The following GLRA2 variants were observed in gnomAD, a reference collection of about 807,000 sequenced individuals.
GLRA2 encodes glycine receptor alpha 2.
In GLRA2, 11 loss-of-function variants were observed where a neutral mutation model predicts 31.6. That is an observed-to-expected ratio of 0.35 (90% confidence interval 0.22 to 0.58). The LOEUF is 0.58. GLRA2 is among the 20% of genes least tolerant of loss of function. The probability of loss-of-function intolerance (pLI) is 0.84; values close to 1 mark genes in which losing one functional copy is unlikely to be tolerated. For synonymous variants in GLRA2, 132 were observed against 134.0 expected (o/e 0.99, Z 0.10); for missense variants, 212 against 351.8 (o/e 0.60, Z 3.18).
chrX:14,617,912 A>G (rs1033492483), intron 7 of GLRA2, among the ~76,000 whole-genome samples: 15 of 112,328 alleles, frequency 1.3e-4, no homozygotes, highest in African/African-American at 4.5e-4. Flanking sequence ...AAGAAGGGAC[A>G]TGAGGAAGCA....
chrX:14,521,180 A>C, the GLRA2 span, among the ~76,000 whole-genome samples: 18 of 112,327 alleles, frequency 1.6e-4, no homozygotes, highest in East Asian at 5.1e-3. Context: ...GGATTAAGAA[A>C]TACCTAGAGA....
At chrX:14,589,904 C>T (rs2090128288) in intron 4 of GLRA2, among the ~76,000 whole-genome samples, 1 of 109,538 alleles carries the variant, frequency 9.1e-6, no homozygotes. Context: ...GCTTTGTTTC[C>T]AGATTTACTG....
At chrX:14,571,331 T>C (rs973642995) in intron 2 of GLRA2, among the ~76,000 whole-genome samples, 2 of 112,039 alleles carry the variant, frequency 1.8e-5, no homozygotes, top group Non-Finnish European at 3.8e-5. Flanking sequence ...AGCAGACTAT[T>C]GTGCTAAATG....
chrX:14,686,129 A>G (rs1569521766), intron 7 of GLRA2, among the ~76,000 whole-genome samples: 1 of 111,597 alleles, frequency 9.0e-6, no homozygotes, highest in Non-Finnish European at 1.9e-5. Flanking sequence ...GTTTTGAGTG[A>G]GTTTCTTAAT....
chrX:14,467,102 T>C, the GLRA2 span, among the ~76,000 whole-genome samples: 1 of 112,651 alleles, frequency 8.9e-6, no homozygotes, highest in Non-Finnish European at 1.9e-5. Context: ...TGCTATATTT[T>C]GATGTTCCCT....
chrX:14,547,164 C>G (rs946132115), intron 2 of GLRA2, among the ~76,000 whole-genome samples: 18 of 111,138 alleles, frequency 1.6e-4, no homozygotes, highest in African/African-American at 5.5e-4. Flanking sequence ...TAAATAGATC[C>G]TAAAGGAAAG....
chrX:14,487,377 T>C, the GLRA2 span, among the ~76,000 whole-genome samples: 1 of 87,771 alleles, frequency 1.1e-5, no homozygotes, highest in Non-Finnish European at 2.2e-5. Context: ...AGTAATTCAT[T>C]GGTTTTCTGT....
At chrX:14,656,347 T>C (rs2090940232) in intron 7 of GLRA2, among the ~76,000 whole-genome samples, 1 of 112,613 alleles carries the variant, frequency 8.9e-6, no homozygotes, top group Admixed American at 9.4e-5. Context: ...TTGTGCCCTT[T>C]TAGCTGTACA....
intron 4 of GLRA2, among the ~76,000 whole-genome samples, chrX:14,600,590 A>G (rs2090258169): frequency 9.0e-6 from 1 of 111,010 alleles, no homozygotes; most frequent in Non-Finnish European, 1.9e-5. Context: ...TATGGGGCAC[A>G]AAGTGATGTT....
chrX:14,682,583 G>T (rs144260156), intron 7 of GLRA2, among the ~76,000 whole-genome samples: 22,746 of 109,143 alleles, frequency 0.21, 2,232 homozygotes, highest in Non-Finnish European at 0.3. Flanking sequence ...TAAGTTCTAG[G>T]GTACATGTGC....
At chrX:14,559,419 CTTTTTTTTTTTTTTTT>C (rs753470377) in intron 2 of GLRA2, among the ~76,000 whole-genome samples, 2 of 48,577 alleles carry the variant, frequency 4.1e-5, no homozygotes, top group South Asian at 2.8e-3. Context: ...GGGGCCATTT[CTTTTTTTTTTTTTTTT>C]TTTTTTTTTT....
intron 7 of GLRA2, among the ~76,000 whole-genome samples, chrX:14,643,360 G>T (rs1201730605): frequency 9.0e-6 from 1 of 111,729 alleles, no homozygotes; most frequent in East Asian, 2.8e-4. Flanking sequence ...ATGTTAGGCA[G>T]CAATAGAAAA....
chrX:14,527,909 T>C (rs193179417), upstream of GLRA2, among the ~76,000 whole-genome samples: 30 of 112,345 alleles, frequency 2.7e-4, no homozygotes, highest in South Asian at 7.3e-4. Flanking sequence ...AGTCCAGGGA[T>C]GTCTCACACT....
At position 14,704,459 on chromosome X, in the gene GLRA2, G is replaced by T. The variant is rs572652047; in HGVS notation, c.1080+13600G>T. Among the ~76,000 whole-genome samples, 7 of 112,453 alleles carry T rather than the reference G, an allele frequency of 6.2e-5. No homozygotes were observed. In the South Asian group the frequency reaches 1.8e-3, roughly 29 times the overall value. Reference sequence around the variant, plus strand: ...CAGCATAACTGGACTCTCATAAAAAGATCGAGCTAAATGACAGAAAAGTCT... The same window carrying T: ...CAGCATAACTGGACTCTCATAAAAATATCGAGCTAAATGACAGAAAAGTCT... On this transcript the variant is annotated intron_variant, in intron 8 of 8. Transcript: ENST00000218075.
At chrX:14,645,318 T>C (rs1295966490) in intron 7 of GLRA2, among the ~76,000 whole-genome samples, 1 of 111,854 alleles carries the variant, frequency 8.9e-6, no homozygotes, top group Non-Finnish European at 1.9e-5. Context: ...CCTTTCCTTA[T>C]ACTAGTAAAG....
intron 3 of GLRA2, among the ~76,000 whole-genome samples, chrX:14,580,590 C>G (rs779766291): frequency 8.9e-6 from 1 of 111,864 alleles, no homozygotes; most frequent in Non-Finnish European, 1.9e-5. Context: ...AGTGTAGATA[C>G]AACACATTCA....
chrX:14,730,929 CACACACACACACACACACACAA>C lies in GLRA2; in HGVS notation c.*447_*468del, dbSNP rs1255494797. On this transcript the variant is annotated 3_prime_UTR_variant, in exon 9 of 9. Transcript: ENST00000218075. ...ACACACACACACACACACACACACA[CACACACACACACACACACACAA>C]ACTTCAAAAATGCTTAACCATCTGA... 7.9e-5 allele frequency: 9 copies of C among 114,590 alleles called. No individual in the cohort carries two copies. The highest frequency in any genetic ancestry group is 3.4e-4 in the African/African-American group (9 of 26,141). 9.4% of individuals were successfully genotyped at this position (114,590 alleles called of 1,213,427 possible).
At chrX:14,501,161 G>A in the GLRA2 span, among the ~76,000 whole-genome samples, 8 of 110,227 alleles carry the variant, frequency 7.3e-5, no homozygotes, top group South Asian at 2.0e-3. Flanking sequence ...TTGTTTCTGC[G>A]GAACCCACCA....
At chrX:14,597,776 C>T (rs755345963) in intron 4 of GLRA2, among the ~76,000 whole-genome samples, 2 of 111,464 alleles carry the variant, frequency 1.8e-5, no homozygotes, top group African/African-American at 3.3e-5. Context: ...AATTTGATGT[C>T]GGTTAAAGCT....
Sources: allele counts gnomAD v4.1 joint callset (sites outside exome capture counted in the v4.1 genomes callset), GRCh38; gene constraint gnomAD v4.1.1; transcripts MANE v1.5; gene names NCBI Gene and HGNC (gene_info 2026-07-23, HGNC 2026-07-21).